The following ASS1 variants were observed in gnomAD, a reference collection of about 807,000 sequenced individuals.
ASS1 encodes the protein argininosuccinate synthase 1.
In ASS1, 58 loss-of-function variants were observed where a neutral mutation model predicts 60.5. That is an observed-to-expected ratio of 0.96 (90% CI 0.78 to 1.19). The LOEUF is 1.19. Among genes scored for constraint, ASS1 ranks in the 50% most tolerant of loss-of-function variants. The pLI is 0.00. For synonymous variants in ASS1, 200 were observed against 206.9 expected, an observed-to-expected ratio of 0.97 and a Z score of 0.29; for missense variants, 454 against 547.3, an observed-to-expected ratio of 0.83 and a Z score of 1.70.
chr9:130,500,927 G>T, intron 14 of ASS1, 49 bp from the exon 15 acceptor site: 1 of 1,586,868 alleles, frequency 6.3e-7, no homozygotes. Flanking sequence ...CCCAGTGTGT[G>T]TTGTTATTGT....
rs1485903161 is a variant in ASS1, at chr9:130,475,043, G to C, written c.598-1828G>C. Among the ~76,000 whole-genome samples the C allele has an allele frequency of 2.0e-5, 3 of 152,248 alleles. No homozygotes were observed. The East Asian group carries it at 5.8e-4, about 29-fold the overall frequency. The stretch of plus-strand genomic sequence containing the variant: ...GGGTGGAGGATCCACCACAGTCCCT[G>C]TCTTAGAAGGATCAATTGTCCTGGT... On this transcript the variant is annotated intron_variant, in intron 8 of 14. Coordinates refer to ENST00000352480, the MANE Select transcript of ASS1 (RefSeq NM_054012.4).
chr9:130,486,621 G>C (rs1189957251), intron 11 of ASS1, among the ~76,000 whole-genome samples: 3 of 152,202 alleles, frequency 2.0e-5, no homozygotes, highest in Non-Finnish European at 4.4e-5. Context: ...AACTTGGAGA[G>C]AGGCCATTTC....
In ASS1 at chr9:130,478,347, G is replaced by A. The variant is rs1437642614; in HGVS notation, c.689-1369G>A. 6.6e-6 allele frequency among the ~76,000 whole-genome samples: 1 copy of A among 152,150 alleles called. No homozygotes were observed. Among genetic ancestry groups the A allele is most frequent in the African/African-American group, 2.4e-5 (1 of 41,448 alleles). On this transcript the variant is annotated intron_variant, in intron 9 of 14. Coordinates refer to ENST00000352480, the MANE Select transcript of ASS1 (RefSeq NM_054012.4). The surrounding 1 kb of genome is among the most constrained non-coding windows in gnomAD (Gnocchi z 4.7). ...CTGGCTCCCTGCACAGGGCTCCCAG[G>A]AGCCTGGAGAGCCGTGAGGGTGGGA... is the stretch of plus-strand genomic sequence containing the variant.
Position 130,489,558 on chromosome 9 carries a change from A to G in ASS1, c.970+94A>G. The G allele has an allele frequency of 6.3e-7, 1 of 1,587,420 alleles. No individual in the cohort carries two copies. The highest frequency in any genetic ancestry group is 8.6e-7 in the Non-Finnish European group (1 of 1,160,360). On this transcript the variant is annotated intron_variant, in intron 12 of 14. Coordinates refer to ENST00000352480, the MANE Select transcript of ASS1 (RefSeq NM_054012.4). The surrounding 1 kb of genome is among the most constrained non-coding windows in gnomAD (Gnocchi z 4.1). ...CGGGCCTGGCCCTCCCCTCCGTATC[A>G]GCACCTTCCTCCCCTGCCGCCCACT...
At chr9:130,448,422 G>GCACACACACA (rs3085579) in intron 1 of ASS1, among the ~76,000 whole-genome samples, 67 of 143,382 alleles carry the variant, frequency 4.7e-4, no homozygotes, top group African/African-American at 1.5e-3. Flanking sequence ...GTGTGCGCGC[G>GCACACACACA]CACACACACA....
At chr9:130,487,772 A>C (rs1846343013) in intron 11 of ASS1, among the ~76,000 whole-genome samples, 1 of 147,382 alleles carries the variant, frequency 6.8e-6, no homozygotes, top group Non-Finnish European at 1.5e-5. Flanking sequence ...TTTTTTTTAG[A>C]CAGAGTCTTG....
At chr9:130,482,789 C>A (rs562310166) in intron 11 of ASS1, among the ~76,000 whole-genome samples, 12 of 152,214 alleles carry the variant, frequency 7.9e-5, no homozygotes, top group Non-Finnish European at 1.5e-4. Context: ...TCCTTACCAC[C>A]CACCTGGGGA....
Position 130,478,588 on chromosome 9 carries a change from T to C in ASS1, c.689-1128T>C, listed in dbSNP as rs1358048712. ...TTATTTGAAGTTTTAATCTAATTATTAACTATTTTAAAGGCTAAGAGGCTT... is the reference window on the plus strand; with the variant it reads ...TTATTTGAAGTTTTAATCTAATTATCAACTATTTTAAAGGCTAAGAGGCTT... On this transcript the variant is annotated intron_variant, in intron 9 of 14. Transcript: ENST00000352480. This position sits in a 1 kb window ranked among gnomAD's most constrained non-coding sequence, Gnocchi z 4.7. Among the ~76,000 whole-genome samples the C allele has an allele frequency of 6.6e-6, 1 of 152,204 alleles. No individual in the cohort carries two copies. The highest frequency in any genetic ancestry group is 1.5e-5 in the Non-Finnish European group (1 of 68,032).
intron 7 of ASS1, 91 bp from the exon 8 acceptor site, chr9:130,471,394 G>T: frequency 6.6e-7 from 1 of 1,510,984 alleles, no homozygotes; most frequent in Non-Finnish European, 9.2e-7. Flanking sequence ...GGCAGACCAG[G>T]CTCATGGGCA....
rs1451964801 is a variant in ASS1, at chr9:130,494,495, G to A, written c.971-372G>A. On this transcript the variant is annotated intron_variant, in intron 12 of 14. Coordinates refer to ENST00000352480, the MANE Select transcript of ASS1 (RefSeq NM_054012.4). The surrounding 1 kb of genome is among the most constrained non-coding windows in gnomAD (Gnocchi z 4.3). ...CTGTCTGAGGTCTTCTGCCTCCCCC[G>A]GAGATTAGAGCCTCCATTGGGCCAG... 3.9e-5 allele frequency among the ~76,000 whole-genome samples: 6 copies of A among 152,222 alleles called. No individual in the cohort carries two copies. The highest frequency in any genetic ancestry group is 5.9e-5 in the Non-Finnish European group (4 of 68,034).
At chr9:130,499,329 G>C (rs541427237) in intron 13 of ASS1, among the ~76,000 whole-genome samples, 176 bp from the exon 14 acceptor site, 1 of 152,240 alleles carries the variant, frequency 6.6e-6, no homozygotes, top group Non-Finnish European at 1.5e-5. Flanking sequence ...CCCAGAACAG[G>C]GTTCCCTGAG....
intron 6 of ASS1, among the ~76,000 whole-genome samples, chr9:130,468,334 T>C (rs1451369573): frequency 6.6e-6 from 1 of 152,162 alleles, no homozygotes; most frequent in Non-Finnish European, 1.5e-5. Flanking sequence ...TTTGCTTCGC[T>C]GGCCATCCTC....
chr9:130,487,676 G>C lies in ASS1; in HGVS notation c.839-1657G>C, dbSNP rs372924413. Reference sequence around the variant, plus strand: ...GGACCTCGCATGAGTGGAACATACAGTGTTTGTTTTTGTGCCTGGCCTTTG... The same window carrying C: ...GGACCTCGCATGAGTGGAACATACACTGTTTGTTTTTGTGCCTGGCCTTTG... On this transcript the variant is annotated intron_variant, in intron 11 of 14. Transcript: ENST00000352480. 1.3e-4 allele frequency among the ~76,000 whole-genome samples: 20 copies of C among 152,204 alleles called. No individual in the cohort carries two copies. The East Asian group carries it at 3.7e-3, about 28-fold the overall frequency.
Position 130,488,010 on chromosome 9 carries a change from C to T in ASS1, c.839-1323C>T, listed in dbSNP as rs548872656. Among the ~76,000 whole-genome samples the T allele has an allele frequency of 3.9e-5, 6 of 152,270 alleles. No individual in the cohort carries two copies. In the East Asian group the frequency reaches 1.2e-3, roughly 29 times the overall value. ...CCTGAGGTGATCCACCTGCCTCGGCCTCCCAAAGTGCTAGAATTATTACAG... is the reference window on the plus strand; with the variant it reads ...CCTGAGGTGATCCACCTGCCTCGGCTTCCCAAAGTGCTAGAATTATTACAG... On this transcript the variant is annotated intron_variant, in intron 11 of 14. Transcript: ENST00000352480. The surrounding 1 kb of genome is among the most constrained non-coding windows in gnomAD (Gnocchi z 5.2).
At chr9:130,452,064 C>T (rs1418942154) in intron 1 of ASS1, 160 bp from the exon 2 acceptor site, 5 of 712,958 alleles carry the variant, frequency 7.0e-6, no homozygotes, top group Middle Eastern at 2.4e-4. Flanking sequence ...CCGGGGGTGG[C>T]AGGCACTGAA....
chr9:130,485,961 G>C (rs1564158818), intron 11 of ASS1, among the ~76,000 whole-genome samples: 1 of 152,204 alleles, frequency 6.6e-6, no homozygotes, highest in East Asian at 1.9e-4. Flanking sequence ...TTTTGGCACT[G>C]TCATGTTTGT....
chr9:130,495,416 C>CA (rs1433164112), intron 13 of ASS1, among the ~76,000 whole-genome samples: 1 of 149,826 alleles, frequency 6.7e-6, no homozygotes, highest in Non-Finnish European at 1.5e-5. Flanking sequence ...GACCTTGTCT[C>CA]AAAAAAATAT....
chr9:130,480,299 G>A lies in ASS1; in HGVS notation c.774-86G>A, dbSNP rs914317144. 33 of 1,454,872 alleles carry A rather than the reference G, an allele frequency of 2.3e-5. No homozygotes were observed. In the East Asian group the frequency reaches 6.3e-4, roughly 28 times the overall value. The allele number at this position is 1,454,872 out of a possible 1,614,324, so 90.1% of individuals were successfully genotyped here. On this transcript the variant is annotated intron_variant, in intron 10 of 14. Coordinates refer to ENST00000352480, the MANE Select transcript of ASS1 (RefSeq NM_054012.4). ...TGCTGCCTAATGTGTGGCCTAAGCT[G>A]TGCCCACCCTGGGACAGCCCAGCTG...
chr9:130,449,124 A>C (rs1845267079), intron 1 of ASS1, among the ~76,000 whole-genome samples: 1 of 152,032 alleles, frequency 6.6e-6, no homozygotes, highest in Non-Finnish European at 1.5e-5. Flanking sequence ...TAAGTCCAGG[A>C]GTTCGAGTCC....
Sources: allele counts gnomAD v4.1 joint callset (sites outside exome capture counted in the v4.1 genomes callset), GRCh38; gene constraint gnomAD v4.1.1; non-coding constraint Gnocchi (gnomAD v3.1); transcripts MANE v1.5; gene names NCBI Gene and HGNC (gene_info 2026-07-23, HGNC 2026-07-21).